Variants in TTLL11 observed in about 807,000 individuals in gnomAD.
The protein encoded by TTLL11 is tubulin polyglutamylase TTLL11.
TTLL11 carries 42 observed loss-of-function variants against 51.7 expected under a neutral mutation model. The ratio of observed to expected loss-of-function variants is 0.81; its 90% CI spans 0.64 to 1.05. TTLL11 has a LOEUF of 1.05. Ranked by LOEUF, TTLL11 falls within the 50% of genes least tolerant of loss-of-function variation. The pLI is 0.00. For synonymous variants in TTLL11, 381 were observed against 383.5 expected (o/e 0.99, Z 0.08); for missense variants, 799 against 940.4 (o/e 0.85, Z 1.97).
intron 6 of TTLL11, among the ~76,000 whole-genome samples, chr9:121,914,343 T>A (rs1382382235): frequency 1.3e-5 from 2 of 152,204 alleles, no homozygotes; most frequent in Non-Finnish European, 2.9e-5. Context: ...ACAGGGAAGT[T>A]TGCCCTCTCC....
chr9:121,979,351 C>T (rs1167228186), intron 4 of TTLL11, among the ~76,000 whole-genome samples: 1 of 152,170 alleles, frequency 6.6e-6, no homozygotes, highest in East Asian at 1.9e-4. Context: ...CAGAAGCAGT[C>T]AGTTAAGCCT....
intron 1 of TTLL11, among the ~76,000 whole-genome samples, chr9:122,039,896 A>G (rs976241047): frequency 1.3e-5 from 2 of 151,916 alleles, no homozygotes; most frequent in African/African-American, 4.8e-5. Context: ...TCACACACAC[A>G]CACACACATA....
In TTLL11 at chr9:122,063,877, A is replaced by G. The variant is rs4837937; in HGVS notation, c.463-24509T>C. Among the ~76,000 whole-genome samples, 409 of 152,336 alleles carry G rather than the reference A, an allele frequency of 2.7e-3. 6 individuals carry two copies. The highest frequency in any genetic ancestry group is 0.024 in the East Asian group (123 of 5,184). On this transcript the variant is annotated intron_variant, in intron 1 of 8. Transcript: ENST00000321582. ...CGGCCTCCTTTTGCCAATGTATGGA[A>G]GGAAGAGCCTATTAACAGCAAGTCT...
intron 8 of TTLL11, among the ~76,000 whole-genome samples, chr9:121,825,157 T>A (rs7047948): frequency 0.074 from 11,250 of 152,270 alleles, 863 homozygotes; most frequent in African/African-American, 0.19. Context: ...TGTTTCCTAA[T>A]CACCAGCTCT....
chr9:121,971,451 G>T (rs1588165823), intron 6 of TTLL11, among the ~76,000 whole-genome samples: 1 of 122,066 alleles, frequency 8.2e-6, no homozygotes, highest in Non-Finnish European at 1.9e-5. Context: ...GGTGGGGGGG[G>T]TCAGCCCCCC....
intron 7 of TTLL11, 126 bp downstream of exon 7, chr9:121,870,371 T>C: frequency 7.9e-7 from 1 of 1,267,578 alleles, no homozygotes; most frequent in Non-Finnish European, 1.1e-6. Context: ...TAATCCAAGC[T>C]CAAATGGGGT....
chr9:121,897,641 C>CACGCGT, intron 6 of TTLL11, among the ~76,000 whole-genome samples: 1 of 53,650 alleles, frequency 1.9e-5, no homozygotes, highest in African/African-American at 5.5e-5. Flanking sequence ...CACACACACA[C>CACGCGT]GCGCGCGCGA....
intron 8 of TTLL11, among the ~76,000 whole-genome samples, chr9:121,856,108 G>A (rs182421034): frequency 3.3e-5 from 5 of 152,294 alleles, no homozygotes; most frequent in East Asian, 1.9e-4. Context: ...ATCTCTCTCT[G>A]TCACCCAGGC....
intron 5 of TTLL11, 61 bp downstream of exon 5, chr9:121,974,823 A>G (rs558934618): frequency 8.0e-7 from 1 of 1,250,870 alleles, no homozygotes; most frequent in East Asian, 2.6e-5. Flanking sequence ...AGTGAGCAAC[A>G]TGAGGGTAGG....
At chr9:121,844,283 G>A (rs1207361475) in intron 8 of TTLL11, among the ~76,000 whole-genome samples, 2 of 151,824 alleles carry the variant, frequency 1.3e-5, no homozygotes, top group Non-Finnish European at 2.9e-5. Context: ...AAATACGAAG[G>A]CAATAGGGAG....
At chr9:122,070,540 C>T (rs565628028) in intron 1 of TTLL11, among the ~76,000 whole-genome samples, 1 of 152,118 alleles carries the variant, frequency 6.6e-6, no homozygotes, top group Admixed American at 6.5e-5. Context: ...AAATGTGACA[C>T]CCCGAGGAAG....
chr9:122,066,569 C>T (rs1845589756), intron 1 of TTLL11, among the ~76,000 whole-genome samples: 1 of 152,162 alleles, frequency 6.6e-6, no homozygotes, highest in Admixed American at 6.5e-5. Flanking sequence ...ATGCTAAAAA[C>T]CAAGTTTGGG....
At chr9:122,051,967 G>A (rs1192624608) in intron 1 of TTLL11, among the ~76,000 whole-genome samples, 2 of 152,060 alleles carry the variant, frequency 1.3e-5, no homozygotes, top group African/African-American at 4.8e-5. Context: ...AAGTCCAGAA[G>A]AGGCCAATTA....
Position 121,860,352 on chromosome 9 carries a change from C to A in TTLL11, c.1825G>T (p.Asp609Tyr). 6.4e-7 allele frequency: 1 copy of A among 1,551,418 alleles called. No individual in the cohort carries two copies. Among genetic ancestry groups the A allele is most frequent in the South Asian group, 1.2e-5 (1 of 83,972 alleles). ...ITRRWNSMTL[D>Y]QRDSGMCLQA... is the part of the protein sequence containing the mutation. ...TGTCAAATACCTGAGTCCCGCTGGT[C>A]CAGGGTCATGGAGTTCCACCTCCGT... Residue 609 changes from aspartate to tyrosine, a missense_variant, in exon 8 of 9, where the codon GAC becomes TAC. Transcript: ENST00000321582.
At chr9:122,001,807 A>G (rs1304827437) in intron 3 of TTLL11, among the ~76,000 whole-genome samples, 1 of 152,226 alleles carries the variant, frequency 6.6e-6, no homozygotes, top group African/African-American at 2.4e-5. Flanking sequence ...CGGGACACTC[A>G]GCCTGATCAT....
chr9:121,824,381 AG>A (rs1411679343), intron 8 of TTLL11, among the ~76,000 whole-genome samples: 1 of 149,196 alleles, frequency 6.7e-6, no homozygotes, highest in Non-Finnish European at 1.5e-5. Context: ...AGGCTGAGGC[AG>A]GGGGAAACGC....
chr9:121,838,749 A>C (rs1837254711), intron 8 of TTLL11, among the ~76,000 whole-genome samples: 1 of 149,320 alleles, frequency 6.7e-6, no homozygotes, highest in Admixed American at 6.6e-5. Flanking sequence ...AGAAAGAGAG[A>C]AAGAAAGAGA....
chr9:122,062,692 C>T (rs1370186057), intron 1 of TTLL11, among the ~76,000 whole-genome samples: 3 of 151,568 alleles, frequency 2.0e-5, no homozygotes, highest in East Asian at 3.9e-4. Context: ...TGGTCTCAAA[C>T]TCCTGACCAC....
chr9:122,051,264 G>C (rs1258235456), intron 1 of TTLL11, among the ~76,000 whole-genome samples: 7 of 152,174 alleles, frequency 4.6e-5, no homozygotes, highest in Admixed American at 4.6e-4. Flanking sequence ...AGCCATGTTG[G>C]TTTATCTCCA....
Sources: allele counts gnomAD v4.1 joint callset (sites outside exome capture counted in the v4.1 genomes callset), GRCh38; gene constraint gnomAD v4.1.1; transcripts MANE v1.5; gene names NCBI Gene and HGNC (gene_info 2026-07-23, HGNC 2026-07-21).